Variants in PHIP observed in about 807,000 individuals in gnomAD.
PHIP encodes PHIP subunit of CUL4-Ring ligase complex.
In PHIP, 54 loss-of-function variants were observed where a neutral mutation model predicts 236.8. The ratio of observed to expected loss-of-function variants is 0.23; its 90% CI spans 0.18 to 0.29. The LOEUF (loss-of-function observed/expected upper bound fraction) is 0.29, where lower values mean the gene tolerates loss of function less well. PHIP is among the 10% of genes least tolerant of loss of function. The pLI is 1.00. For synonymous variants in PHIP, 756 were observed against 718.9 expected (o/e 1.05, Z -0.83); for missense variants, 1,370 against 2,190.8 (o/e 0.63, Z 7.48).
In PHIP at chr6:79,078,047, G is replaced by T. The variant is rs750740222; in HGVS notation, c.22C>A (p.Leu8Ile). The T allele has an allele frequency of 6.2e-7, 1 of 1,609,388 alleles. No individual in the cohort carries two copies. The highest frequency in any genetic ancestry group is 1.7e-5 in the Admixed American group (1 of 59,960). Residue 8 changes from leucine to isoleucine, a missense_variant, in exon 1 of 40, where the codon CTC (leucine) becomes ATC (isoleucine). Around this residue, in one of 14 missense-constraint regions of PHIP, gnomAD observed 43 missense variants for 53.8 expected, o/e 0.80. Coordinates refer to ENST00000275034, the MANE Select transcript of PHIP (RefSeq NM_017934.7). ...GACTTACCCGATCGCAGCTCCGAGA[G>T]GCCTTTCCTCTCACAAGACATGTTT... Reference protein sequence around the residue: MSCERKGLSELRSELYFL... With the variant: MSCERKGISELRSELYFL...
intron 27 of PHIP, among the ~76,000 whole-genome samples, chr6:78,966,816 A>G (rs1269616912): frequency 2.6e-5 from 4 of 152,214 alleles, no homozygotes; most frequent in African/African-American, 9.6e-5. Flanking sequence ...CCTGTTCCTC[A>G]GCTATCACAG....
chr6:79,052,979 A>AATGTCATTGG (rs1554211565), intron 6 of PHIP, among the ~76,000 whole-genome samples: 1 of 152,192 alleles, frequency 6.6e-6, no homozygotes, highest in Non-Finnish European at 1.5e-5. Flanking sequence ...ACAGAGATAT[A>AATGTCATTGG]ATGTCATTGG....
rs1207180761 is a variant in PHIP at position 79,017,489 on chromosome 6, A to G, written c.1089T>C (p.Phe363=). The G allele has an allele frequency of 1.2e-6, 2 of 1,606,602 alleles. No homozygotes were observed. Among genetic ancestry groups the G allele is most frequent in the Non-Finnish European group, 8.5e-7 (1 of 1,173,682 alleles). Residue 363 remains phenylalanine, a synonymous_variant, in exon 11 of 40, where the codon TTT becomes TTC. Coordinates refer to ENST00000275034, the MANE Select transcript of PHIP (RefSeq NM_017934.7). The part of the protein sequence containing the change: ...GQPEKISELE[F]HTDKVDSIQF... Reference sequence around the variant, plus strand: ...TCTTTTCACCAATACTTACAGTATGAAACTCCAATTCTGATATTTTCTCTG... The same window carrying G: ...TCTTTTCACCAATACTTACAGTATGGAACTCCAATTCTGATATTTTCTCTG...
chr6:78,965,607 T>C (rs1246433615), intron 29 of PHIP, 96 bp downstream of exon 29: 8 of 708,452 alleles, frequency 1.1e-5, no homozygotes, highest in African/African-American at 1.8e-5. Flanking sequence ...TATTTGATAC[T>C]CACAACTGTA....
At chr6:79,069,204 TATATAA>T (rs1042423307) in intron 4 of PHIP, among the ~76,000 whole-genome samples, 1 of 148,306 alleles carries the variant, frequency 6.7e-6, no homozygotes, top group Non-Finnish European at 1.5e-5. Flanking sequence ...TAATATACAA[TATATAA>T]ATATAAATTT....
intron 29 of PHIP, among the ~76,000 whole-genome samples, chr6:78,964,832 C>T (rs1582121072): frequency 6.6e-6 from 1 of 152,066 alleles, no homozygotes; most frequent in East Asian, 1.9e-4. Context: ...TATAGAATAA[C>T]GTAAAAGAAT....
At chr6:78,946,464 A>C in intron 37 of PHIP, 1 of 1,400,882 alleles carries the variant, frequency 7.1e-7, no homozygotes. Context: ...ATATGACGGA[A>C]AGCATGATGC....
intron 4 of PHIP, 66 bp downstream of exon 4, chr6:79,077,382 G>T: frequency 2.9e-6 from 4 of 1,399,640 alleles, no homozygotes; most frequent in Non-Finnish European, 4.0e-6. Flanking sequence ...GTAAAAAATT[G>T]CGGGAAATTC....
At chr6:78,969,523 T>G (rs1163661693) in intron 27 of PHIP, among the ~76,000 whole-genome samples, 2 of 152,216 alleles carry the variant, frequency 1.3e-5, no homozygotes, top group African/African-American at 4.8e-5. Context: ...TACATCTTGT[T>G]AAGCTTCTTT....
chr6:78,974,913 G>C (rs1767931270), intron 24 of PHIP, among the ~76,000 whole-genome samples: 1 of 151,870 alleles, frequency 6.6e-6, no homozygotes, highest in South Asian at 2.1e-4. Context: ...TCCAGGATCA[G>C]ATGGATTCAC....
rs748247534 is a variant in PHIP, at chr6:79,042,944, T to G, written c.499A>C (p.Thr167Pro). Residue 167 changes from threonine (T) to proline (P), a missense_variant, in exon 7 of 40, where the codon ACT becomes CCT. Coordinates refer to ENST00000275034, the MANE Select transcript of PHIP (RefSeq NM_017934.7). ...ATTTTCATGTGCTGATACACTGCAG[T>G]TGGAACAAGTCGCTCAAGTCTGTAT... ...GKYRLERLVP[T>P]AVYQHMKMHK... 1 of 1,612,392 alleles carries G rather than the reference T, an allele frequency of 6.2e-7. No individual in the cohort carries two copies. The highest frequency in any genetic ancestry group is 1.1e-5 in the South Asian group (1 of 91,010).
chr6:79,058,452 C>G (rs1286808669), intron 6 of PHIP, among the ~76,000 whole-genome samples: 2 of 151,904 alleles, frequency 1.3e-5, no homozygotes, highest in Admixed American at 6.6e-5. Context: ...TTCCCTTTTA[C>G]AAAAAATGAC....
In PHIP at chr6:78,945,385, C is replaced by T. The variant is rs1279344880; in HGVS notation, c.4743G>A (p.Lys1581=). ...TCATTTTACGTTTGACTGGCTTTTC[C>T]TTTTCCATGTTTTCTTTTGCAGAAT... ...RNNSAKENME[K]EKPVKRKMKS... The change falls in exon 39 of 40, where the codon AAG becomes AAA. Residue 1581 remains lysine (K), a synonymous_variant. Coordinates refer to ENST00000275034, the MANE Select transcript of PHIP (RefSeq NM_017934.7). The T allele has an allele frequency of 6.2e-7, 1 of 1,613,600 alleles. No individual in the cohort carries two copies. Among genetic ancestry groups the T allele is most frequent in the South Asian group, 1.1e-5 (1 of 91,064 alleles).
At chr6:79,073,554 A>G (rs548676591) in intron 4 of PHIP, among the ~76,000 whole-genome samples, 103 of 152,224 alleles carry the variant, frequency 6.8e-4, no homozygotes, top group African/African-American at 2.3e-3. Flanking sequence ...CTTCTAAAAC[A>G]TTTAATATGA....
chr6:78,954,298 G>A (rs977384521), intron 35 of PHIP, among the ~76,000 whole-genome samples: 22 of 151,710 alleles, frequency 1.5e-4, no homozygotes, highest in Non-Finnish European at 2.6e-4. Flanking sequence ...AGTAGAGACG[G>A]GATTTCACCG....
At chr6:79,031,717 T>A (rs1771679088) in intron 7 of PHIP, among the ~76,000 whole-genome samples, 1 of 152,230 alleles carries the variant, frequency 6.6e-6, no homozygotes, top group Non-Finnish European at 1.5e-5. Context: ...CAGCATCAGA[T>A]ATTTACTTTG....
rs1482821901 is a variant in PHIP, at chr6:78,934,710, T to C, written c.*5983A>G. On this transcript the variant is annotated 3_prime_UTR_variant, in exon 40 of 40. Transcript: ENST00000275034. ...ATCACCACTGGCTATTTGAACAGAATTAGACCTCACAGATAATTTAATCAA... is the reference window on the plus strand; with the variant it reads ...ATCACCACTGGCTATTTGAACAGAACTAGACCTCACAGATAATTTAATCAA... Among the ~76,000 whole-genome samples the C allele has an allele frequency of 6.6e-6, 1 of 152,174 alleles. No individual in the cohort carries two copies. Among genetic ancestry groups the C allele is most frequent in the East Asian group, 1.9e-4 (1 of 5,190 alleles).
Position 78,939,044 on chromosome 6 carries a change from C to T in PHIP, c.*1649G>A, listed in dbSNP as rs1238736469. The stretch of plus-strand genomic sequence containing the variant: ...TGAAAATTTTGATTACATTTTTGTA[C>T]CATACCAGTCCTCAGAAAATACTAC... On this transcript the variant is annotated 3_prime_UTR_variant, in exon 40 of 40. Transcript: ENST00000275034. 3 of 151,510 alleles carry T rather than the reference C, an allele frequency of 2.0e-5. No individual in the cohort carries two copies. Among genetic ancestry groups the T allele is most frequent in the African/African-American group, 7.3e-5 (3 of 41,338 alleles). 9.4% of individuals were successfully genotyped at this position (151,510 alleles called of 1,614,324 possible).
intron 25 of PHIP, among the ~76,000 whole-genome samples, chr6:78,970,470 A>C (rs543231995): frequency 1.3e-5 from 2 of 152,296 alleles, no homozygotes; most frequent in South Asian, 4.1e-4. Flanking sequence ...TAACTGAACT[A>C]CTGATGACAA....
Sources: allele counts gnomAD v4.1 joint callset (sites outside exome capture counted in the v4.1 genomes callset), GRCh38; gene constraint gnomAD v4.1.1; regional missense constraint gnomAD v4.1.1; transcripts MANE v1.5; gene names NCBI Gene and HGNC (gene_info 2026-07-23, HGNC 2026-07-21).